Variants in FSTL5 observed in about 807,000 individuals in gnomAD.
FSTL5 encodes the protein follistatin like 5, also known as follistatin-related protein 5.
FSTL5 carries 62 observed loss-of-function variants against 89.1 expected under a neutral mutation model. That is an observed-to-expected ratio of 0.70 (90% CI 0.57 to 0.86). The LOEUF (loss-of-function observed/expected upper bound fraction) is 0.86. Ranked by LOEUF, FSTL5 falls within the 40% of genes least tolerant of loss-of-function variation. The probability of loss-of-function intolerance (pLI) is 0.00; values close to 1 mark genes in which losing one functional copy is unlikely to be tolerated. For synonymous variants in FSTL5, 383 were observed against 346.2 expected, an observed-to-expected ratio of 1.11 and a Z score of -1.18; for missense variants, 1,057 against 1,001.6, an observed-to-expected ratio of 1.06 and a Z score of -0.75.
Position 161,915,043 on chromosome 4 carries a change from C to A in FSTL5, c.409+5361G>T, listed in dbSNP as rs981598384. Among the ~76,000 whole-genome samples the A allele has an allele frequency of 3.3e-5, 5 of 152,234 alleles. No individual in the cohort carries two copies. In the East Asian group the frequency reaches 7.7e-4, roughly 23 times the overall value. On this transcript the variant is annotated intron_variant, in intron 4 of 15. Transcript: ENST00000306100. ...TAGCCTTAGGCAGACATATTTGGAA[C>A]AAACATGCACTAGATGGGAAGCCTC...
chr4:161,832,716 C>T (rs183236184), intron 4 of FSTL5, among the ~76,000 whole-genome samples: 121 of 152,038 alleles, frequency 8.0e-4, no homozygotes, highest in Non-Finnish European at 1.2e-3. Context: ...TCTGTGGGAT[C>T]GGTGGTGATA....
At chr4:162,110,651 T>C (rs1290148622) in intron 2 of FSTL5, among the ~76,000 whole-genome samples, 2 of 151,730 alleles carry the variant, frequency 1.3e-5, no homozygotes, top group South Asian at 2.1e-4. Context: ...TTCAGTATCA[T>C]GGACTGCTGT....
intron 8 of FSTL5, among the ~76,000 whole-genome samples, chr4:161,547,768 A>T (rs1732055181): frequency 6.6e-6 from 1 of 151,934 alleles, no homozygotes. Context: ...GATAAGGGTT[A>T]TCTTAAGCAC....
chr4:162,024,092 G>T (rs1290573646), intron 3 of FSTL5, among the ~76,000 whole-genome samples: 2 of 152,068 alleles, frequency 1.3e-5, no homozygotes, highest in African/African-American at 4.8e-5. Flanking sequence ...GTTTGAAATG[G>T]TTAAGTGAAC....
chr4:162,138,971 G>T (rs1430551452), intron 1 of FSTL5, among the ~76,000 whole-genome samples: 1 of 151,994 alleles, frequency 6.6e-6, no homozygotes, highest in Non-Finnish European at 1.5e-5. Context: ...GAAACATTTG[G>T]AAATAACTCT....
intron 7 of FSTL5, among the ~76,000 whole-genome samples, chr4:161,592,424 T>G (rs1431455786): frequency 7.0e-6 from 1 of 142,894 alleles, no homozygotes. Flanking sequence ...ATCCCTCCCC[T>G]AGCCCCCCAC....
intron 4 of FSTL5, among the ~76,000 whole-genome samples, chr4:161,893,253 C>A (rs1733044983): frequency 6.6e-6 from 1 of 151,994 alleles, no homozygotes; most frequent in African/African-American, 2.4e-5. Context: ...TGGCAAGGAC[C>A]TTTATCAAAG....
At chr4:161,800,713 G>A (rs1180623261) in intron 4 of FSTL5, among the ~76,000 whole-genome samples, 1 of 151,642 alleles carries the variant, frequency 6.6e-6, no homozygotes, top group South Asian at 2.1e-4. Context: ...GTTGAGTGAT[G>A]TTTTAATTCA....
intron 1 of FSTL5, among the ~76,000 whole-genome samples, chr4:162,142,858 T>A (rs1169138424): frequency 6.6e-6 from 1 of 152,210 alleles, no homozygotes; most frequent in African/African-American, 2.4e-5. Flanking sequence ...TCAGCTTTCA[T>A]CTGTGTAATC....
intron 4 of FSTL5, among the ~76,000 whole-genome samples, chr4:161,911,233 A>C (rs970640062): frequency 6.6e-6 from 1 of 152,106 alleles, no homozygotes; most frequent in African/African-American, 2.4e-5. Context: ...ATGCTAGAAC[A>C]ATCTGTAATT....
At chr4:162,112,779 A>T (rs1003961139) in intron 1 of FSTL5, among the ~76,000 whole-genome samples, 1,597 of 67,764 alleles carry the variant, frequency 0.024, 18 homozygotes, top group African/African-American at 0.077. Context: ...ACACAATCAC[A>T]CACACACACA....
At chr4:161,924,015 TA>T (rs1247030412) in intron 3 of FSTL5, among the ~76,000 whole-genome samples, 2 of 151,774 alleles carry the variant, frequency 1.3e-5, no homozygotes, top group Non-Finnish European at 2.9e-5. Context: ...ATGCCGAACT[TA>T]AGTTTCAGCT....
At position 161,476,197 on chromosome 4, in the gene FSTL5, G is replaced by GTTTTT. The variant is rs757760575; in HGVS notation, c.1608+4818_1608+4822dup. The stretch of plus-strand genomic sequence containing the variant: ...GGTTTTTTTTTTTTTTTGTTTGTTT[G>GTTTTT]TTTTTTTGAGAAAGAGTTTTGCTCT... On this transcript the variant is annotated intron_variant, in intron 13 of 15. Coordinates refer to ENST00000306100, the MANE Select transcript of FSTL5 (RefSeq NM_020116.5). Among the ~76,000 whole-genome samples the GTTTTT allele has an allele frequency of 1.4e-3, 151 of 107,282 alleles. 1 individual carries two copies. Among genetic ancestry groups the GTTTTT allele is most frequent in the East Asian group, 3.0e-3 (10 of 3,364 alleles). The allele number at this position is 107,282 out of a possible 152,430, so 70.4% of individuals were successfully genotyped here.
intron 1 of FSTL5, among the ~76,000 whole-genome samples, chr4:162,126,507 G>A (rs373884726): frequency 1.5e-4 from 22 of 151,408 alleles, no homozygotes; most frequent in Middle Eastern, 3.4e-3. Flanking sequence ...TTTTCTCTTC[G>A]GAGTCTAGCA....
chr4:161,780,450 C>G (rs1206597438), intron 4 of FSTL5, among the ~76,000 whole-genome samples: 1 of 152,176 alleles, frequency 6.6e-6, no homozygotes, highest in Admixed American at 6.5e-5. Flanking sequence ...ACTTCATGCT[C>G]TGGGAGACCA....
intron 2 of FSTL5, among the ~76,000 whole-genome samples, chr4:162,084,948 G>A (rs2111342570): frequency 6.6e-6 from 1 of 152,104 alleles, no homozygotes; most frequent in South Asian, 2.1e-4. Context: ...ACTTTTAAAT[G>A]TAAAGGTAAA....
intron 6 of FSTL5, among the ~76,000 whole-genome samples, chr4:161,709,478 T>G (rs1336577682): frequency 2.0e-5 from 3 of 152,130 alleles, no homozygotes; most frequent in Admixed American, 2.0e-4. Flanking sequence ...CAAATAGATA[T>G]GATTGAAATG....
At chr4:161,876,147 C>T (rs1457988403) in intron 4 of FSTL5, among the ~76,000 whole-genome samples, 1 of 152,172 alleles carries the variant, frequency 6.6e-6, no homozygotes, top group African/African-American at 2.4e-5. Context: ...AAATATCCTT[C>T]TCATTCCTTG....
intron 2 of FSTL5, among the ~76,000 whole-genome samples, chr4:162,077,411 CT>C (rs1412488669): frequency 6.6e-6 from 1 of 151,826 alleles, no homozygotes; most frequent in Non-Finnish European, 1.5e-5. Context: ...AGTAATATGT[CT>C]AATCAAACTA....
Sources: gnomAD v4.1 joint callset for allele counts (sites outside exome capture counted in the v4.1 genomes callset) on GRCh38, gnomAD v4.1.1 for gene constraint, MANE v1.5 for transcripts, NCBI Gene and HGNC (gene_info 2026-07-23, HGNC 2026-07-21) for gene names.